BCAS3: variants seen among roughly 807,000 people sequenced by gnomAD.
The protein encoded by BCAS3 is BCAS3 microtubule associated cell migration factor.
In BCAS3, 53 loss-of-function variants were observed where a neutral mutation model predicts 116.1. That is an observed-to-expected ratio of 0.46 (90% CI 0.37 to 0.57). The LOEUF (loss-of-function observed/expected upper bound fraction) is 0.57, where lower values mean the gene tolerates loss of function less well. BCAS3 is among the 20% of genes least tolerant of loss of function. The pLI, the probability that BCAS3 is intolerant of heterozygous loss-of-function variation, is 0.00. For missense variants in BCAS3, 917 were observed against 1,165.4 expected, an observed-to-expected ratio of 0.79 and a Z score of 3.10; for synonymous variants, 391 against 408.2, an observed-to-expected ratio of 0.96 and a Z score of 0.51.
At chr17:61,252,951 C>T (rs886408031) in intron 22 of BCAS3, among the ~76,000 whole-genome samples, 4 of 149,648 alleles carry the variant, frequency 2.7e-5, no homozygotes, top group East Asian at 2.0e-4. Context: ...GTGATCTCAG[C>T]TCACTGCAAC....
intron 22 of BCAS3, among the ~76,000 whole-genome samples, chr17:61,290,916 G>A (rs1340196836): frequency 1.3e-5 from 2 of 152,168 alleles, no homozygotes; most frequent in Non-Finnish European, 2.9e-5. Context: ...AAGTAGCTGG[G>A]ACTACAGGTG....
chr17:61,268,644 G>A (rs989476843), intron 22 of BCAS3, among the ~76,000 whole-genome samples: 10 of 151,380 alleles, frequency 6.6e-5, no homozygotes, highest in African/African-American at 1.2e-4. Flanking sequence ...GTACAATCTC[G>A]GCTCCTGGGT....
chr17:60,947,302 T>TTGG lies in BCAS3; in HGVS notation c.1171_1172insTGG (p.Cys391delinsLeuGly). ...GACTCATCCTTGGTCCTCATCACAA[T>TTGG]GTGCTGTCCACCATCTGTATACTCT... On this transcript the variant is annotated protein_altering_variant, in exon 14 of 24. Coordinates refer to ENST00000407086, the MANE Select transcript of BCAS3 (RefSeq NM_017679.5). The TTGG allele has an allele frequency of 6.2e-7, 1 of 1,613,678 alleles. No individual in the cohort carries two copies. Among genetic ancestry groups the TTGG allele is most frequent in the Non-Finnish European group, 8.5e-7 (1 of 1,179,588 alleles).
intron 6 of BCAS3, among the ~76,000 whole-genome samples, chr17:60,754,060 GTC>G (rs72162091): frequency 0.73 from 109,974 of 151,556 alleles, 45,588 homozygotes; most frequent in South Asian, 0.98. Context: ...TTGAGACAGG[GTC>G]TCTCTCTCTC....
At chr17:61,187,840 C>T (rs12953087) in intron 22 of BCAS3, among the ~76,000 whole-genome samples, 111,990 of 151,780 alleles carry the variant, frequency 0.74, 41,651 homozygotes, top group South Asian at 0.87. Context: ...TTCTTTCTTT[C>T]TTTCGTTTTA....
rs1262468517 is a variant in BCAS3, at chr17:61,244,721, G to A, written c.2426-123606G>A. 6.6e-6 allele frequency among the ~76,000 whole-genome samples: 1 copy of A among 152,026 alleles called. No homozygotes were observed. Among genetic ancestry groups the A allele is most frequent in the Non-Finnish European group, 1.5e-5 (1 of 68,004 alleles). On this transcript the variant is annotated intron_variant, in intron 22 of 23. Coordinates refer to ENST00000407086, the MANE Select transcript of BCAS3 (RefSeq NM_017679.5). This position sits in a 1 kb window ranked among gnomAD's most constrained non-coding sequence, Gnocchi z 4.9. ...TACTAAAAATACAAAAAATTAGCAGGGCGTGGTGGTGGGCACCTGTAGTCC... is the reference window on the plus strand; with the variant it reads ...TACTAAAAATACAAAAAATTAGCAGAGCGTGGTGGTGGGCACCTGTAGTCC...
chr17:61,145,705 A>G lies in BCAS3; in HGVS notation c.2425+61141A>G, dbSNP rs536463076. Reference sequence around the variant, plus strand: ...ACTTAAGCTGAAAAAGAATATAAAAATTAAAGAGAAATTGAAAATCTAAGT... The same window carrying G: ...ACTTAAGCTGAAAAAGAATATAAAAGTTAAAGAGAAATTGAAAATCTAAGT... On this transcript the variant is annotated intron_variant, in intron 22 of 23. Coordinates refer to ENST00000407086, the MANE Select transcript of BCAS3 (RefSeq NM_017679.5). This position sits in a 1 kb window ranked among gnomAD's most constrained non-coding sequence, Gnocchi z 5.0. Among the ~76,000 whole-genome samples the G allele has an allele frequency of 6.6e-6, 1 of 152,324 alleles. No individual in the cohort carries two copies. Among genetic ancestry groups the G allele is most frequent in the Non-Finnish European group, 1.5e-5 (1 of 68,026 alleles).
chr17:61,237,297 C>G (rs1223576407), intron 22 of BCAS3, among the ~76,000 whole-genome samples: 2 of 152,128 alleles, frequency 1.3e-5, no homozygotes, highest in Non-Finnish European at 2.9e-5. Context: ...CCAATCAGTG[C>G]TCTGTAAAAT....
intron 22 of BCAS3, among the ~76,000 whole-genome samples, chr17:61,116,477 C>G (rs1404789867): frequency 6.6e-6 from 1 of 152,096 alleles, no homozygotes; most frequent in Middle Eastern, 3.2e-3. Flanking sequence ...GCATTTAGAA[C>G]CACATCAAAG....
intron 5 of BCAS3, among the ~76,000 whole-genome samples, chr17:60,714,936 G>A (rs533720865): frequency 1.4e-3 from 213 of 152,108 alleles, no homozygotes; most frequent in African/African-American, 4.9e-3. Context: ...TTATGTGGGC[G>A]TTCCAGATAA....
intron 6 of BCAS3, among the ~76,000 whole-genome samples, chr17:60,783,489 G>A (rs1434732316): frequency 6.6e-6 from 1 of 152,196 alleles, no homozygotes. Flanking sequence ...ATAGGCACGA[G>A]CCACTGCGCC....
intron 6 of BCAS3, among the ~76,000 whole-genome samples, chr17:60,794,761 A>G (rs150041502): frequency 3.9e-4 from 60 of 152,304 alleles, no homozygotes; most frequent in African/African-American, 1.4e-3. Flanking sequence ...CCATTGGTCT[A>G]TGTACCTATT....
In BCAS3 at chr17:60,993,979, T is replaced by C. The variant is rs193294562; in HGVS notation, c.1486+3744T>C. Among the ~76,000 whole-genome samples, 15 of 152,270 alleles carry C rather than the reference T, an allele frequency of 9.9e-5. No homozygotes were observed. In the East Asian group the frequency reaches 2.9e-3, roughly 29 times the overall value. ...TCTTGTTGCCTGAACATCCACTTAGTCTACTTGAGGACTTCTTGTGATCCA... is the reference window on the plus strand; with the variant it reads ...TCTTGTTGCCTGAACATCCACTTAGCCTACTTGAGGACTTCTTGTGATCCA... On this transcript the variant is annotated intron_variant, in intron 15 of 23. Transcript: ENST00000407086. This position sits in a 1 kb window ranked among gnomAD's most constrained non-coding sequence, Gnocchi z 4.2.
rs1178293297 is a variant in BCAS3, at chr17:61,302,011, AC to A, written c.2426-66315del. Among the ~76,000 whole-genome samples, 1 of 152,194 alleles carries A rather than the reference AC, an allele frequency of 6.6e-6. No individual in the cohort carries two copies. Among genetic ancestry groups the A allele is most frequent in the Non-Finnish European group, 1.5e-5 (1 of 68,034 alleles). ...ATTAGGTGAAGCACGGCCACTTTGA[AC>A]GCTTATTCCCATTCTGCAGAGACCC... On this transcript the variant is annotated intron_variant, in intron 22 of 23. Transcript: ENST00000407086. The surrounding 1 kb of genome is among the most constrained non-coding windows in gnomAD (Gnocchi z 4.4).
intron 22 of BCAS3, among the ~76,000 whole-genome samples, chr17:61,275,119 A>G (rs2050661580): frequency 6.6e-6 from 1 of 152,002 alleles, no homozygotes; most frequent in Non-Finnish European, 1.5e-5. Flanking sequence ...CCAAAGTACT[A>G]GGATTACAGG....
intron 7 of BCAS3, among the ~76,000 whole-genome samples, chr17:60,850,118 T>C (rs979669033): frequency 1.2e-4 from 19 of 152,210 alleles, no homozygotes; most frequent in Non-Finnish European, 5.9e-5. Context: ...ATTAAATTAG[T>C]GTGGCTAGTA....
chr17:61,159,232 G>A (rs1601637212), intron 22 of BCAS3: 2 of 152,062 alleles, frequency 1.3e-5, no homozygotes, highest in Non-Finnish European at 2.9e-5. Context: ...TACCAGAGAC[G>A]GTATACCCAG....
intron 10 of BCAS3, among the ~76,000 whole-genome samples, chr17:60,898,939 A>G (rs1240111382): frequency 1.3e-5 from 2 of 152,126 alleles, no homozygotes; most frequent in East Asian, 3.8e-4. Flanking sequence ...GATAAGGCCC[A>G]ACCTCAGACC....
intron 22 of BCAS3, among the ~76,000 whole-genome samples, chr17:61,085,151 A>C (rs1439604267): frequency 3.9e-5 from 6 of 152,226 alleles, no homozygotes; most frequent in Non-Finnish European, 8.8e-5. Context: ...TTAGTATTAT[A>C]AAACTTTTCA....
Sources: allele counts gnomAD v4.1 joint callset (sites outside exome capture counted in the v4.1 genomes callset), GRCh38; gene constraint gnomAD v4.1.1; non-coding constraint Gnocchi (gnomAD v3.1); transcripts MANE v1.5; gene names NCBI Gene and HGNC (gene_info 2026-07-23, HGNC 2026-07-21).